PPP1R12C: variants seen among roughly 807,000 people sequenced by gnomAD.
PPP1R12C encodes the protein protein phosphatase 1 regulatory subunit 12C.
A neutral mutation model predicts 95.6 loss-of-function variants in PPP1R12C; 48 were observed. That is an observed-to-expected ratio of 0.50 (90% confidence interval 0.40 to 0.64). PPP1R12C has a LOEUF of 0.64. Among genes scored for constraint, PPP1R12C ranks in the 30% least tolerant of loss-of-function variants. PPP1R12C has a pLI of 0.00. For synonymous variants in PPP1R12C, 480 were observed against 460.8 expected (o/e 1.04, Z -0.53); for missense variants, 1,057 against 1,083.3 (o/e 0.98, Z 0.34).
At chr19:55,108,253 C>G (rs1350473530) in intron 3 of PPP1R12C, among the ~76,000 whole-genome samples, 3 of 151,070 alleles carry the variant, frequency 2.0e-5, no homozygotes, top group Non-Finnish European at 4.4e-5. Context: ...ACCATTTTAA[C>G]CCCAATTCAG....
chr19:55,101,105 G>A (rs768755117), intron 4 of PPP1R12C, among the ~76,000 whole-genome samples: 4 of 151,962 alleles, frequency 2.6e-5, no homozygotes, highest in Non-Finnish European at 4.4e-5. Flanking sequence ...AAAATTAGCC[G>A]GGCATGGTGG....
intron 3 of PPP1R12C, among the ~76,000 whole-genome samples, chr19:55,104,199 T>TATATATATAC (rs34075382): frequency 8.3e-6 from 1 of 120,052 alleles, no homozygotes; most frequent in African/African-American, 3.7e-5. Context: ...TATATATATA[T>TATATATATAC]ACACACACAC....
chr19:55,095,755 CTGGGAACTA>C lies in PPP1R12C; in HGVS notation c.1227+103_1227+111del. 2.6e-6 allele frequency: 4 copies of C among 1,521,814 alleles called. No individual in the cohort carries two copies. In the South Asian group the frequency reaches 4.5e-5, roughly 17 times the overall value. The allele number at this position is 1,521,814 out of a possible 1,614,324, so 94.3% of individuals were successfully genotyped here. On this transcript the variant is annotated intron_variant, in intron 9 of 21. Coordinates refer to ENST00000263433, the MANE Select transcript of PPP1R12C (RefSeq NM_017607.4). ...AGGAAGCCGGTTGTCCAGGACGACT[CTGGGAACTA>C]TAGTCTTCCCCCTATCTGCCCCTGC... is the stretch of plus-strand genomic sequence containing the variant.
chr19:55,110,931 G>C (rs1277257283), intron 3 of PPP1R12C, among the ~76,000 whole-genome samples: 1 of 151,720 alleles, frequency 6.6e-6, no homozygotes, highest in African/African-American at 2.4e-5. Context: ...AAGGAAGGGA[G>C]AGATGGAGGG....
chr19:55,101,574 TG>T (rs1340276388), intron 4 of PPP1R12C, among the ~76,000 whole-genome samples: 65 of 152,324 alleles, frequency 4.3e-4, no homozygotes, highest in Non-Finnish European at 8.1e-4. Context: ...TTTGCTCCTT[TG>T]CCCCCTCTCT....
At chr19:55,116,658 G>A (rs1310825556) in intron 1 of PPP1R12C, among the ~76,000 whole-genome samples, 1 of 152,194 alleles carries the variant, frequency 6.6e-6, no homozygotes, top group Non-Finnish European at 1.5e-5. Flanking sequence ...GAGAGAGACG[G>A]CAGCGTTAGA....
At position 55,093,010 on chromosome 19, in the gene PPP1R12C, C is replaced by T; in HGVS notation, c.1825+6G>A. 6.4e-7 allele frequency: 1 copy of T among 1,574,784 alleles called. No individual in the cohort carries two copies. The highest frequency in any genetic ancestry group is 8.6e-7 in the Non-Finnish European group (1 of 1,158,804). Reference sequence around the variant, plus strand: ...TGGGAATGACCTCCCCGAGAGCAGACCTCACCTCTCTGGGCAGGGCTGTCA... The same window carrying T: ...TGGGAATGACCTCCCCGAGAGCAGATCTCACCTCTCTGGGCAGGGCTGTCA... On this transcript the variant is annotated splice_donor_region_variant and intron_variant, in intron 15 of 21. Coordinates refer to ENST00000263433, the MANE Select transcript of PPP1R12C (RefSeq NM_017607.4).
chr19:55,100,355 C>CT (rs1312979947), intron 4 of PPP1R12C, among the ~76,000 whole-genome samples: 1 of 152,172 alleles, frequency 6.6e-6, no homozygotes, highest in African/African-American at 2.4e-5. Context: ...CCCAACATCC[C>CT]ATAGGTGGAG....
At chr19:55,116,188 G>C (rs759005576) in intron 1 of PPP1R12C, among the ~76,000 whole-genome samples, 2 of 152,140 alleles carry the variant, frequency 1.3e-5, no homozygotes, top group Non-Finnish European at 2.9e-5. Flanking sequence ...GAGGCGGGAC[G>C]CAAGGGAGAC....
At chr19:55,092,175 C>G in intron 19 of PPP1R12C, 47 bp downstream of exon 19, 9 of 1,493,604 alleles carry the variant, frequency 6.0e-6, no homozygotes, top group Non-Finnish European at 8.1e-6. Context: ...TAAGCCCCAC[C>G]CAGGCGGCCC....
chr19:55,113,617 G>C (rs2085121845), intron 1 of PPP1R12C: 6 of 1,282,882 alleles, frequency 4.7e-6, no homozygotes, highest in Non-Finnish European at 4.9e-6. Context: ...TGAGGAAGGA[G>C]TGAAGCTAAA....
Position 55,099,111 on chromosome 19 carries a change from G to A in PPP1R12C, c.732-16C>T, listed in dbSNP as rs1284650352. 5 of 1,514,734 alleles carry A rather than the reference G, an allele frequency of 3.3e-6. 1 individual carries two copies. The Admixed American group carries it at 6.7e-5, about 20-fold the overall frequency. The allele number at this position is 1,514,734 out of a possible 1,614,324, so 93.8% of individuals were successfully genotyped here. A position where few individuals can be genotyped will look rare whatever the true frequency, so the allele number is the denominator to read the frequency against. On this transcript the variant is annotated splice_polypyrimidine_tract_variant and intron_variant, in intron 4 of 21. Transcript: ENST00000263433. ...AAGGAGCAACCTGGGGGCCAGGGAGGCTCAGGGTCAGAGGCCAAGGCGGGG... is the reference window on the plus strand; with the variant it reads ...AAGGAGCAACCTGGGGGCCAGGGAGACTCAGGGTCAGAGGCCAAGGCGGGG...
chr19:55,092,416 G>A (rs761612579), intron 18 of PPP1R12C, 26 bp downstream of exon 18: 2 of 1,585,582 alleles, frequency 1.3e-6, no homozygotes, highest in Non-Finnish European at 1.7e-6. Context: ...AGCAGGCAAA[G>A]CCCCGACGGA....
rs2085165059 is a variant in PPP1R12C at position 55,117,285 on chromosome 19, G to C, written c.259C>G (p.Pro87Ala). ...GPGAELDPAA[P>A]PPARAVLDST... is the part of the protein sequence containing the mutation. ...TCCAGCACGGCGCGGGCGGGCGGCG[G>C]CGCGGCGGGGTCGAGCTCGGCGCCG... is the stretch of plus-strand genomic sequence containing the variant. Residue 87 changes from proline to alanine, a missense_variant, in exon 1 of 22, where the codon CCG (proline) becomes GCG (alanine). Transcript: ENST00000263433. 8.2e-7 allele frequency: 1 copy of C among 1,220,040 alleles called. No individual in the cohort carries two copies. 75.6% of individuals were successfully genotyped at this position (1,220,040 alleles called of 1,614,324 possible).
chr19:55,111,267 A>C (rs2085093125), intron 3 of PPP1R12C: 1 of 152,136 alleles, frequency 6.6e-6, no homozygotes, highest in Non-Finnish European at 1.5e-5. Context: ...AATAGACTAA[A>C]AAGCACTGAA....
intron 12 of PPP1R12C, 66 bp downstream of exon 12, chr19:55,094,587 CCCGGGACT>C: frequency 1.3e-6 from 2 of 1,526,404 alleles, no homozygotes; most frequent in Non-Finnish European, 1.8e-6. Flanking sequence ...CACCCAAAGC[CCCGGGACT>C]CCTGCTTCAC....
chr19:55,110,034 A>G (rs1399585990), intron 3 of PPP1R12C, among the ~76,000 whole-genome samples: 1 of 152,198 alleles, frequency 6.6e-6, no homozygotes, highest in East Asian at 1.9e-4. Context: ...GGGAGGGAAG[A>G]AGCATGGCCC....
chr19:55,096,483 C>T (rs1331314491), intron 6 of PPP1R12C, 148 bp from the exon 7 acceptor site: 3 of 943,794 alleles, frequency 3.2e-6, no homozygotes, highest in Non-Finnish European at 4.9e-6. Flanking sequence ...TGGCCACACA[C>T]CTCAGGGGCA....
Position 55,117,298 on chromosome 19 carries a change from G to C in PPP1R12C, c.246C>G (p.Leu82=). The change falls in exon 1 of 22, where the codon CTC becomes CTG. Residue 82 remains leucine (L), a synonymous_variant. Coordinates refer to ENST00000263433, the MANE Select transcript of PPP1R12C (RefSeq NM_017607.4). ...RAADPGPGAE[L]DPAAPPPARA... is the part of the protein sequence containing the mutation. ...GGGCGGGCGGCGGCGCGGCGGGGTC[G>C]AGCTCGGCGCCGGGGCCAGGGTCGG... 8.3e-7 allele frequency: 1 copy of C among 1,211,218 alleles called. No individual in the cohort carries two copies. Among genetic ancestry groups the C allele is most frequent in the Non-Finnish European group, 1.0e-6 (1 of 976,044 alleles). 75.0% of individuals were successfully genotyped at this position (1,211,218 alleles called of 1,614,324 possible). A position where few individuals can be genotyped will look rare whatever the true frequency, so the allele number is the denominator to read the frequency against.
Sources: allele counts gnomAD v4.1 joint callset (sites outside exome capture counted in the v4.1 genomes callset), GRCh38; gene constraint gnomAD v4.1.1; transcripts MANE v1.5; gene names NCBI Gene and HGNC (gene_info 2026-07-23, HGNC 2026-07-21).